The following RMND5B variants were observed in gnomAD, a reference collection of about 807,000 sequenced individuals.
The protein encoded by RMND5B is required for meiotic nuclear division 5 homolog B, also known as E3 ubiquitin-protein transferase RMND5B.
RMND5B carries 42 observed loss-of-function variants against 50.4 expected under a neutral mutation model. The observed-to-expected ratio is 0.83, with a 90% CI of 0.65 to 1.08. RMND5B has a LOEUF of 1.08. RMND5B is among the 50% of genes least tolerant of loss of function. The pLI is 0.00. For synonymous variants in RMND5B, 220 were observed against 210.0 expected, an observed-to-expected ratio of 1.05 and a Z score of -0.41; for missense variants, 463 against 508.5, an observed-to-expected ratio of 0.91 and a Z score of 0.86.
At chr5:178,140,882 C>T (rs1355630417) in intron 3 of RMND5B, among the ~76,000 whole-genome samples, 1 of 151,430 alleles carries the variant, frequency 6.6e-6, no homozygotes. Flanking sequence ...TATAAATGTC[C>T]TGCTCTTTAC....
intron 2 of RMND5B, among the ~76,000 whole-genome samples, 193 bp downstream of exon 2, chr5:178,131,569 ATAG>A (rs1459773607): frequency 1.9e-5 from 2 of 102,994 alleles, no homozygotes; most frequent in Non-Finnish European, 4.0e-5. Flanking sequence ...GTAGGACTGT[ATAG>A]TAAAAAAAAA....
In RMND5B at chr5:178,134,463, T is replaced by C. The variant is rs192563851; in HGVS notation, c.-13+3087T>C. On this transcript the variant is annotated intron_variant, in intron 2 of 10. Transcript: ENST00000313386. ...GGATAATTTCTGTATATGTGAGACCTTGGGGAGGAAGGCTTAGGACCAGTG... is the reference window on the plus strand; with the variant it reads ...GGATAATTTCTGTATATGTGAGACCCTGGGGAGGAAGGCTTAGGACCAGTG... 2.0e-4 allele frequency among the ~76,000 whole-genome samples: 31 copies of C among 152,212 alleles called. No individual in the cohort carries two copies. In the East Asian group the frequency reaches 2.7e-3, roughly 13 times the overall value.
At chr5:178,133,714 ATT>A (rs35907767) in intron 2 of RMND5B, 96 of 143,372 alleles carry the variant, frequency 6.7e-4, no homozygotes, top group Non-Finnish European at 7.5e-4. Context: ...CCAATCAACA[ATT>A]TTTTTTTTTT....
In RMND5B at chr5:178,148,227, G is replaced by A. The variant is rs1323522407; in HGVS notation, c.*195G>A. ...ATGGACCAGCCCACGCCTGGCACCT[G>A]GCTCCATGGCATAAGGAAAGGGAGA... On this transcript the variant is annotated 3_prime_UTR_variant, in exon 11 of 11. Transcript: ENST00000313386. 1 of 611,238 alleles carries A rather than the reference G, an allele frequency of 1.6e-6. No individual in the cohort carries two copies. Among genetic ancestry groups the A allele is most frequent in the African/African-American group, 1.8e-5 (1 of 54,058 alleles). The allele number at this position is 611,238 out of a possible 1,614,324, so 37.9% of individuals were successfully genotyped here.
At chr5:178,139,399 G>T (rs1581117682) in intron 3 of RMND5B, among the ~76,000 whole-genome samples, 2 of 151,928 alleles carry the variant, frequency 1.3e-5, no homozygotes, top group African/African-American at 4.8e-5. Context: ...TACAGGTGGG[G>T]TTTTGACATG....
At chr5:178,147,399 A>T (rs1756074368) in intron 8 of RMND5B, 134 bp from the exon 9 acceptor site, 1 of 645,434 alleles carries the variant, frequency 1.5e-6, no homozygotes, top group Non-Finnish European at 2.7e-6. Context: ...AATGTGAGGG[A>T]TCTTTGAGGA....
chr5:178,146,471 G>A (rs1001225827), intron 8 of RMND5B, 192 bp downstream of exon 8: 8 of 586,198 alleles, frequency 1.4e-5, no homozygotes, highest in Admixed American at 6.1e-5. Flanking sequence ...GTTATGGCCC[G>A]AGGTCACCAT....
At position 178,146,157 on chromosome 5, in the gene RMND5B, C is replaced by T. The variant is rs1410206421; in HGVS notation, c.738C>T (p.Gly246=). The T allele has an allele frequency of 6.8e-6, 11 of 1,614,120 alleles. No individual in the cohort carries two copies. Among genetic ancestry groups the T allele is most frequent in the Non-Finnish European group, 9.3e-6 (11 of 1,180,018 alleles). ...MMGSLVYLRL[G]LEKSPYCHLL... ...GCAGCCTGGTGTACCTGCGGCTGGGCTTGGAGAAGTCACCCTACTGCCACC... is the reference window on the plus strand; with the variant it reads ...GCAGCCTGGTGTACCTGCGGCTGGGTTTGGAGAAGTCACCCTACTGCCACC... The change falls in exon 8 of 11, where the codon GGC becomes GGT. Residue 246 remains glycine (G), a synonymous_variant. Coordinates refer to ENST00000313386, the MANE Select transcript of RMND5B (RefSeq NM_022762.5).
In RMND5B at chr5:178,142,698, T is replaced by C; in HGVS notation, c.255T>C (p.Ser85=). ...CGGACCATAAGGACATTCACAGCAG[T>C]GTATCCCGAGTGGGCAAAGCCATTG... ...LASDHKDIHS[S]VSRVGKAIDR... is the part of the protein sequence containing the mutation. Residue 85 remains serine, a synonymous_variant, in exon 4 of 11, where the codon AGT becomes AGC. Transcript: ENST00000313386. 3 of 1,614,220 alleles carry C rather than the reference T, an allele frequency of 1.9e-6. No homozygotes were observed. The highest frequency in any genetic ancestry group is 2.2e-5 in the South Asian group (2 of 91,086).
At chr5:178,144,173 C>T (rs1339810975) in intron 7 of RMND5B, 65 bp downstream of exon 7, 42 of 1,545,632 alleles carry the variant, frequency 2.7e-5, no homozygotes, top group Non-Finnish European at 1.1e-5. Context: ...TGGTAGGTTA[C>T]ATCAGGCTGC....
At chr5:178,133,021 C>A (rs1171101283) in intron 2 of RMND5B, among the ~76,000 whole-genome samples, 1 of 151,756 alleles carries the variant, frequency 6.6e-6, no homozygotes, top group African/African-American at 2.4e-5. Flanking sequence ...CGCACCACCA[C>A]GCCCAGCTAA....
intron 2 of RMND5B, among the ~76,000 whole-genome samples, chr5:178,133,804 C>T (rs918728598): frequency 3.4e-5 from 5 of 148,596 alleles, no homozygotes; most frequent in South Asian, 2.1e-4. Context: ...CTCCACCTCC[C>T]GGGTTCACAC....
At chr5:178,135,393 G>A (rs1758569017) in intron 2 of RMND5B, 1 of 161,362 alleles carries the variant, frequency 6.2e-6, no homozygotes, top group Non-Finnish European at 1.4e-5. Flanking sequence ...AAAATGCTGA[G>A]ATTACAGGTG....
rs1756176477 is a variant in RMND5B at position 178,148,667 on chromosome 5, T to C, written c.*635T>C. The C allele has an allele frequency of 6.5e-6, 1 of 154,028 alleles. No homozygotes were observed. The highest frequency in any genetic ancestry group is 1.4e-5 in the Non-Finnish European group (1 of 69,430). 9.5% of individuals were successfully genotyped at this position (154,028 alleles called of 1,614,324 possible). ...CTGGTGGCTGCCGCAAACAAAAACA[T>C]GGCCAGCAGGTATCCAGTGTCCAGG... On this transcript the variant is annotated 3_prime_UTR_variant, in exon 11 of 11. Transcript: ENST00000313386.
At chr5:178,147,394 G>A (rs1456569366) in intron 8 of RMND5B, 139 bp from the exon 9 acceptor site, 3 of 640,120 alleles carry the variant, frequency 4.7e-6, no homozygotes, top group Admixed American at 2.7e-5. Context: ...TGAACAATGT[G>A]AGGGATCTTT....
At chr5:178,145,624 CA>C (rs1327771196) in intron 7 of RMND5B, among the ~76,000 whole-genome samples, 1 of 152,224 alleles carries the variant, frequency 6.6e-6, no homozygotes, top group African/African-American at 2.4e-5. Flanking sequence ...AGGCTGGCCT[CA>C]AACTCCTGGC....
chr5:178,143,030 TCTGC>T (rs749793387), intron 5 of RMND5B, 38 bp downstream of exon 5: 208 of 1,586,708 alleles, frequency 1.3e-4, no homozygotes, highest in Non-Finnish European at 1.5e-4. Flanking sequence ...ACCTGCCTGC[TCTGC>T]CTTTCACCTG....
chr5:178,150,353 T>G lies in RMND5B; in HGVS notation c.*2321T>G. 2 of 258,744 alleles carry G rather than the reference T, an allele frequency of 7.7e-6. No individual in the cohort carries two copies. The highest frequency in any genetic ancestry group is 1.5e-5 in the Non-Finnish European group (2 of 130,274). The allele number at this position is 258,744 out of a possible 1,614,324, so 16.0% of individuals were successfully genotyped here. ...CCTGCTTTATCCCAAGAAGTGATAC[T>G]GTAGGTACCCAAGATCCACCCCCAG... is the stretch of plus-strand genomic sequence containing the variant. On this transcript the variant is annotated 3_prime_UTR_variant, in exon 11 of 11. Transcript: ENST00000313386.
Position 178,142,597 on chromosome 5 carries a change from C to T in RMND5B, c.154C>T (p.Pro52Ser), listed in dbSNP as rs893643791. 5.6e-6 allele frequency: 9 copies of T among 1,612,804 alleles called. No homozygotes were observed. Among genetic ancestry groups the T allele is most frequent in the Non-Finnish European group, 7.6e-6 (9 of 1,179,064 alleles). The change falls in exon 4 of 11, where the codon CCT becomes TCT. Residue 52 changes from proline to serine, a missense_variant. By Grantham distance (74) the Pro-to-Ser change is moderately conservative (BLOSUM62 -1). Transcript: ENST00000313386. Reference protein sequence around the residue: ...ELASAALQGTPLSATLSLVMS... With the variant: ...ELASAALQGTSLSATLSLVMS... The stretch of plus-strand genomic sequence containing the variant: ...TTTCTCTGCAGCCCTCCAGGGGACC[C>T]CTCTCTCAGCCACCCTCTCTCTGGT...
Sources: allele counts gnomAD v4.1 joint callset (sites outside exome capture counted in the v4.1 genomes callset), GRCh38; gene constraint gnomAD v4.1.1; transcripts MANE v1.5; gene names NCBI Gene and HGNC (gene_info 2026-07-23, HGNC 2026-07-21).